AADAT: variants seen among roughly 807,000 people sequenced by gnomAD.
AADAT encodes the protein kynurenine/alpha-aminoadipate aminotransferase, mitochondrial.
In AADAT, 25 loss-of-function variants were observed where a neutral mutation model predicts 56.2. That is an observed-to-expected ratio of 0.44 (90% CI 0.32 to 0.62). The LOEUF (loss-of-function observed/expected upper bound fraction) is 0.62, where lower values mean the gene tolerates loss of function less well. Among genes scored for constraint, AADAT ranks in the 20% least tolerant of loss-of-function variants. The probability of loss-of-function intolerance (pLI) is 0.04; values close to 1 mark genes in which losing one functional copy is unlikely to be tolerated. For synonymous variants in AADAT, 173 were observed against 164.7 expected (o/e 1.05, Z -0.39); for missense variants, 387 against 510.5 (o/e 0.76, Z 2.33).
intron 1 of AADAT, 171 bp downstream of exon 1, chr4:170,089,453 G>A: frequency 1.4e-6 from 1 of 726,286 alleles, no homozygotes; most frequent in Non-Finnish European, 2.3e-6. Flanking sequence ...CGAGTTCTTT[G>A]AGAACAAAGG....
intron 5 of AADAT, 35 bp downstream of exon 5, chr4:170,073,101 G>C (rs758976151): frequency 1.9e-6 from 3 of 1,595,200 alleles, no homozygotes; most frequent in Non-Finnish European, 2.6e-6. Flanking sequence ...AGAGAAACAG[G>C]AACACAACTA....
upstream of AADAT, among the ~76,000 whole-genome samples, chr4:170,092,107 A>G (rs1732866063): frequency 6.6e-6 from 1 of 152,242 alleles, no homozygotes; most frequent in Non-Finnish European, 1.5e-5. Context: ...TGGACCAATC[A>G]GCAGGATGTG....
chr4:170,066,292 C>T, intron 10 of AADAT, 122 bp downstream of exon 10: 2 of 870,058 alleles, frequency 2.3e-6, no homozygotes, highest in East Asian at 5.0e-5. Flanking sequence ...GTAATGTTTC[C>T]TTGGCAAGAA....
chr4:170,093,637 C>T (rs1287595072), upstream of AADAT, among the ~76,000 whole-genome samples: 1 of 152,088 alleles, frequency 6.6e-6, no homozygotes, highest in Admixed American at 6.6e-5. Flanking sequence ...CTTTGTTATC[C>T]AGGCTTGAAT....
chr4:170,068,761 T>C, intron 7 of AADAT, 74 bp from the exon 8 acceptor site: 1 of 978,542 alleles, frequency 1.0e-6, no homozygotes, highest in East Asian at 2.6e-5. Context: ...CTGATTTCAT[T>C]AGACAGACAA....
chr4:170,064,820 C>A lies in AADAT; in HGVS notation c.1033G>T (p.Ala345Ser). ...CCAGCAGCAGGAACATGCCATTCTG[C>A]CAAACCTACAAACAAAAGAAGAGAA... ...AAADKWLTGL[A>S]EWHVPAAGMF... Residue 345 changes from alanine (A) to serine (S), a missense_variant, in exon 11 of 13, where the codon GCA becomes TCA. By Grantham distance (99) the Ala-to-Ser change is moderately conservative. Transcript: ENST00000337664. The A allele has an allele frequency of 6.2e-7, 1 of 1,608,364 alleles. No homozygotes were observed. The highest frequency in any genetic ancestry group is 1.1e-5 in the South Asian group (1 of 89,304).
intron 12 of AADAT, 93 bp downstream of exon 12, chr4:170,061,799 T>C: frequency 1.2e-6 from 1 of 829,970 alleles, no homozygotes; most frequent in Non-Finnish European, 1.8e-6. Context: ...CCCAAACAGA[T>C]ATTAAGTAAT....
chr4:170,088,030 T>A (rs534455126), intron 2 of AADAT, among the ~76,000 whole-genome samples: 1 of 151,454 alleles, frequency 6.6e-6, no homozygotes, highest in East Asian at 2.0e-4. Flanking sequence ...TTTCTCCTGA[T>A]ATGTTTGTTT....
intron 3 of AADAT, among the ~76,000 whole-genome samples, chr4:170,078,866 G>C (rs1052286774): frequency 6.6e-6 from 1 of 152,132 alleles, no homozygotes; most frequent in African/African-American, 2.4e-5. Flanking sequence ...TTTGATGAAG[G>C]GCTGGATTTG....
intron 5 of AADAT, among the ~76,000 whole-genome samples, chr4:170,071,656 C>A (rs1056894865): frequency 6.6e-6 from 1 of 152,118 alleles, no homozygotes; most frequent in African/African-American, 2.4e-5. Flanking sequence ...ATGTGGCTGG[C>A]TGCTGTGTGA....
intron 4 of AADAT, among the ~76,000 whole-genome samples, chr4:170,076,427 G>A (rs886719817): frequency 2.0e-5 from 3 of 151,994 alleles, no homozygotes; most frequent in Non-Finnish European, 2.9e-5. Flanking sequence ...TGGAACTTGC[G>A]GCTTTCATAC....
At chr4:170,076,286 G>C (rs1581584763) in intron 4 of AADAT, among the ~76,000 whole-genome samples, 1 of 151,992 alleles carries the variant, frequency 6.6e-6, no homozygotes, top group Non-Finnish European at 1.5e-5. Context: ...GTGTGAGGTA[G>C]TATCTCACAG....
At chr4:170,078,720 G>T in intron 3 of AADAT, 137 bp from the exon 4 acceptor site, 1 of 473,816 alleles carries the variant, frequency 2.1e-6, no homozygotes. Flanking sequence ...GGGCCAAACA[G>T]TAAACACTTT....
chr4:170,060,829 A>G lies in AADAT; in HGVS notation c.*99T>C, dbSNP rs995116644. 2 of 996,676 alleles carry G rather than the reference A, an allele frequency of 2.0e-6. No homozygotes were observed. Among genetic ancestry groups the G allele is most frequent in the Non-Finnish European group, 2.9e-6 (2 of 691,922 alleles). 61.7% of individuals were successfully genotyped at this position (996,676 alleles called of 1,614,324 possible). On this transcript the variant is annotated 3_prime_UTR_variant, in exon 13 of 13. Transcript: ENST00000337664. ...CAGTGGTGTGATCGTAGCTTACTGC[A>G]GCCTTGAATTCCTGGGTTCAAGTGA...
rs759938840 is a variant in AADAT, at chr4:170,062,118, GA to G, written c.1135-126del. 3.0e-4 allele frequency: 156 copies of G among 512,480 alleles called. 1 individual carries two copies. Among genetic ancestry groups the G allele is most frequent in the Non-Finnish European group, 4.4e-4 (133 of 300,824 alleles). 31.7% of individuals were successfully genotyped at this position (512,480 alleles called of 1,614,324 possible). A position where few individuals can be genotyped will look rare whatever the true frequency, so the allele number is the denominator to read the frequency against. ...TTAAAAGCAGTTAAAGAAATCACAA[GA>G]AAAAATACTAATTTATATAAAAATT... On this transcript the variant is annotated intron_variant, in intron 11 of 12. Coordinates refer to ENST00000337664, the MANE Select transcript of AADAT (RefSeq NM_016228.4).
At position 170,073,156 on chromosome 4, in the gene AADAT, G is replaced by C; in HGVS notation, c.634C>G (p.Arg212Gly). ...AATACCTCATAGATTTCCTTTTTGC[G>C]TTCACTGGTTAATGAGTTTCCAGTA... ...NPTGNSLTSE[R>G]KKEIYELARK... The change falls in exon 5 of 13, where the codon CGC becomes GGC. Residue 212 changes from arginine to glycine, a missense_variant. By Grantham distance (125) the Arg-to-Gly change is moderately radical (BLOSUM62 -2). Coordinates refer to ENST00000337664, the MANE Select transcript of AADAT (RefSeq NM_016228.4). 1.2e-6 allele frequency: 2 copies of C among 1,613,530 alleles called. No homozygotes were observed. The highest frequency in any genetic ancestry group is 1.7e-6 in the Non-Finnish European group (2 of 1,179,850).
Position 170,078,548 on chromosome 4 carries a change from G to A in AADAT, c.405C>T (p.Val135=). ...FEMIINPGDN[V]LLDEPAYSGT... is the part of the protein sequence containing the mutation. ...CTGAATAAGCAGGTTCATCTAGGAG[G>A]ACATTATCTCCAGGATTAATGATCA... Residue 135 remains valine (V), a synonymous_variant, in exon 4 of 13, where the codon GTC becomes GTT. Coordinates refer to ENST00000337664, the MANE Select transcript of AADAT (RefSeq NM_016228.4). 1.2e-6 allele frequency: 2 copies of A among 1,608,436 alleles called. No individual in the cohort carries two copies. The highest frequency in any genetic ancestry group is 1.3e-5 in the African/African-American group (1 of 74,832).
intron 6 of AADAT, among the ~76,000 whole-genome samples, chr4:170,069,690 T>G (rs1014909494): frequency 3.3e-5 from 5 of 152,128 alleles, no homozygotes; most frequent in African/African-American, 1.2e-4. Context: ...GATGAGAAAT[T>G]AGTCAACATG....
At chr4:170,077,255 G>A (rs1732085537) in intron 4 of AADAT, among the ~76,000 whole-genome samples, 1 of 152,160 alleles carries the variant, frequency 6.6e-6, no homozygotes, top group Non-Finnish European at 1.5e-5. Flanking sequence ...GATAGGGATT[G>A]TATTGAATCT....
Sources: gnomAD v4.1 joint callset for allele counts (sites outside exome capture counted in the v4.1 genomes callset) on GRCh38, gnomAD v4.1.1 for gene constraint, MANE v1.5 for transcripts, NCBI Gene and HGNC (gene_info 2026-07-23, HGNC 2026-07-21) for gene names.